The following RFTN1 variants were observed in gnomAD, a reference collection of about 807,000 sequenced individuals.
RFTN1 encodes raftlin.
In RFTN1, 26 loss-of-function variants were observed where a neutral mutation model predicts 46.5. That is an observed-to-expected ratio of 0.56 (90% CI 0.41 to 0.78). The LOEUF (loss-of-function observed/expected upper bound fraction) is 0.78, where lower values mean the gene tolerates loss of function less well. Ranked by LOEUF, RFTN1 falls within the 30% of genes least tolerant of loss-of-function variation. RFTN1 has a pLI of 0.00. For missense variants in RFTN1, 693 were observed against 718.7 expected, an observed-to-expected ratio of 0.96 and a Z score of 0.41; for synonymous variants, 261 against 284.2, an observed-to-expected ratio of 0.92 and a Z score of 0.82.
rs541992213 is a variant in RFTN1 at position 16,383,202 on chromosome 3, C to G, written c.442-5100G>C. On this transcript the variant is annotated intron_variant, in intron 4 of 9. Coordinates refer to ENST00000334133, the MANE Select transcript of RFTN1 (RefSeq NM_015150.2). The surrounding 1 kb of genome is among the most constrained non-coding windows in gnomAD (Gnocchi z 4.0). ...TGCCTCTTCAACGATACCACTCTTT[C>G]CACTTCAGATAATCTGACCTGTGCC... Among the ~76,000 whole-genome samples the G allele has an allele frequency of 1.3e-5, 2 of 152,314 alleles. No homozygotes were observed. Among genetic ancestry groups the G allele is most frequent in the South Asian group, 4.1e-4 (2 of 4,828 alleles).
chr3:16,469,719 G>A (rs144107455), intron 2 of RFTN1, among the ~76,000 whole-genome samples: 240 of 152,366 alleles, frequency 1.6e-3, no homozygotes, highest in Middle Eastern at 3.4e-3. Flanking sequence ...CTTGGGCCCA[G>A]AGGATGCTTG....
Position 16,413,894 on chromosome 3 carries a change from T to A in RFTN1, c.333-4411A>T, listed in dbSNP as rs533892862. Among the ~76,000 whole-genome samples the A allele has an allele frequency of 1.3e-5, 2 of 152,330 alleles. No homozygotes were observed. The highest frequency in any genetic ancestry group is 3.9e-4 in the East Asian group (2 of 5,182). On this transcript the variant is annotated intron_variant, in intron 3 of 9. Coordinates refer to ENST00000334133, the MANE Select transcript of RFTN1 (RefSeq NM_015150.2). The surrounding 1 kb of genome is among the most constrained non-coding windows in gnomAD (Gnocchi z 4.7). ...AGCCTTTGGGCAATTTACTTAAACT[T>A]TCTGTGCTTCAGTTTCTTTCACTAA... is the stretch of plus-strand genomic sequence containing the variant.
chr3:16,506,027 T>C lies in RFTN1; in HGVS notation c.-9+7415A>G, dbSNP rs187451370. On this transcript the variant is annotated intron_variant, in intron 1 of 9. Transcript: ENST00000334133. This position sits in a 1 kb window ranked among gnomAD's most constrained non-coding sequence, Gnocchi z 4.8. ...CCTTCAGAAGCCGAGAAACAGGCAA[T>C]AGACAAACAAATAAAAATAATACAC... 3.9e-4 allele frequency among the ~76,000 whole-genome samples: 60 copies of C among 152,146 alleles called. No homozygotes were observed. Among genetic ancestry groups the C allele is most frequent in the African/African-American group, 1.4e-3 (57 of 41,478 alleles).
rs1025255623 is a variant in RFTN1, at chr3:16,475,732, G to A, written c.145+17993C>T. 1.3e-5 allele frequency among the ~76,000 whole-genome samples: 2 copies of A among 152,190 alleles called. No individual in the cohort carries two copies. The highest frequency in any genetic ancestry group is 2.9e-5 in the Non-Finnish European group (2 of 68,038). On this transcript the variant is annotated intron_variant, in intron 2 of 9. Coordinates refer to ENST00000334133, the MANE Select transcript of RFTN1 (RefSeq NM_015150.2). This position sits in a 1 kb window ranked among gnomAD's most constrained non-coding sequence, Gnocchi z 4.2. ...ATTGAGATCCCTAGGTTATTCCACC[G>A]GGTAATAAATAAACCTCTGCCACAG...
intron 2 of RFTN1, among the ~76,000 whole-genome samples, chr3:16,492,727 T>G (rs1476290519): frequency 6.6e-6 from 1 of 152,260 alleles, no homozygotes; most frequent in Non-Finnish European, 1.5e-5. Flanking sequence ...TGTCTTATAC[T>G]GTTTTCCAAC....
intron 4 of RFTN1, among the ~76,000 whole-genome samples, chr3:16,397,246 C>T (rs572096799): frequency 6.6e-6 from 1 of 151,938 alleles, no homozygotes; most frequent in East Asian, 1.9e-4. Flanking sequence ...ATAAGGCAGA[C>T]ACGAAATGAA....
rs1290243945 is a variant in RFTN1 at position 16,502,396 on chromosome 3, A to G, written c.-8-8519T>C. Among the ~76,000 whole-genome samples the G allele has an allele frequency of 3.3e-5, 5 of 151,942 alleles. 1 individual carries two copies. In the Middle Eastern group the frequency reaches 0.01, roughly 310 times the overall value. On this transcript the variant is annotated intron_variant, in intron 1 of 9. Coordinates refer to ENST00000334133, the MANE Select transcript of RFTN1 (RefSeq NM_015150.2). Reference sequence around the variant, plus strand: ...GAGACCTTGTCTCAAAAAAAAAAAAAAAAGAAAGAAAGAAAAGAAAAGAAA... The same window carrying G: ...GAGACCTTGTCTCAAAAAAAAAAAAGAAAGAAAGAAAGAAAAGAAAAGAAA...
chr3:16,437,645 G>A lies in RFTN1; in HGVS notation c.146-3608C>T, dbSNP rs73144392. The stretch of plus-strand genomic sequence containing the variant: ...CACTGCACTCCAGCCTGGGGTGACA[G>A]AGTTACTAAATAAATAAATAAATAA... On this transcript the variant is annotated intron_variant, in intron 2 of 9. Transcript: ENST00000334133. Among the ~76,000 whole-genome samples the A allele has an allele frequency of 1.0e-2, 1,518 of 152,094 alleles. 24 individuals are homozygous for A. Among genetic ancestry groups the A allele is most frequent in the African/African-American group, 0.034 (1,411 of 41,476 alleles).
chr3:16,338,318 T>C lies in RFTN1; in HGVS notation c.1147-11442A>G, dbSNP rs2071055088. Reference sequence around the variant, plus strand: ...GCAAGGCTCCTGATCACAGGGAAGGTAATGAGGCCGGACATGCGGCGGCTA... The same window carrying C: ...GCAAGGCTCCTGATCACAGGGAAGGCAATGAGGCCGGACATGCGGCGGCTA... On this transcript the variant is annotated intron_variant, in intron 7 of 9. Coordinates refer to ENST00000334133, the MANE Select transcript of RFTN1 (RefSeq NM_015150.2). The surrounding 1 kb of genome is among the most constrained non-coding windows in gnomAD (Gnocchi z 5.3). Among the ~76,000 whole-genome samples, 1 of 152,104 alleles carries C rather than the reference T, an allele frequency of 6.6e-6. No homozygotes were observed.
At chr3:16,464,557 TC>T (rs993167157) in intron 2 of RFTN1, among the ~76,000 whole-genome samples, 2 of 152,032 alleles carry the variant, frequency 1.3e-5, no homozygotes, top group Non-Finnish European at 2.9e-5. Context: ...CATAATTAGT[TC>T]CCCCCCATAT....
At position 16,489,217 on chromosome 3, in the gene RFTN1, AG is replaced by A. The variant is rs1163743053; in HGVS notation, c.145+4507del. 6.6e-6 allele frequency among the ~76,000 whole-genome samples: 1 copy of A among 152,226 alleles called. No individual in the cohort carries two copies. Among genetic ancestry groups the A allele is most frequent in the African/African-American group, 2.4e-5 (1 of 41,462 alleles). On this transcript the variant is annotated intron_variant, in intron 2 of 9. Transcript: ENST00000334133. The surrounding 1 kb of genome is among the most constrained non-coding windows in gnomAD (Gnocchi z 4.0). ...CAGATCACCTGAGATCAGGAGTTCG[AG>A]ACCAGCCTGGCCAACATGGCAAAAG...
rs2070758719 is a variant in RFTN1, at chr3:16,335,535, C to G, written c.1147-8659G>C. ...AACAGAAAATCAAACACCACATGTT[C>G]TCACTTACAAGTGGGAGAGCTGAAC... On this transcript the variant is annotated intron_variant, in intron 7 of 9. Coordinates refer to ENST00000334133, the MANE Select transcript of RFTN1 (RefSeq NM_015150.2). The surrounding 1 kb of genome is among the most constrained non-coding windows in gnomAD (Gnocchi z 4.7). Among the ~76,000 whole-genome samples the G allele has an allele frequency of 6.6e-6, 1 of 152,190 alleles. No homozygotes were observed. Among genetic ancestry groups the G allele is most frequent in the African/African-American group, 2.4e-5 (1 of 41,444 alleles).
At chr3:16,472,848 A>C (rs73146234) in intron 2 of RFTN1, among the ~76,000 whole-genome samples, 6,005 of 152,244 alleles carry the variant, frequency 0.039, 230 homozygotes, top group East Asian at 0.12. Context: ...AAGCTGAGGC[A>C]AGGGGCCAGT....
rs1276440157 is a variant in RFTN1 at position 16,509,493 on chromosome 3, T to C, written c.-9+3949A>G. The stretch of plus-strand genomic sequence containing the variant: ...TCTCATGAGGATTAAATTCAGATAA[T>C]GCGTGCAAAATGTACAACAGTGCCT... On this transcript the variant is annotated intron_variant, in intron 1 of 9. Coordinates refer to ENST00000334133, the MANE Select transcript of RFTN1 (RefSeq NM_015150.2). This position sits in a 1 kb window ranked among gnomAD's most constrained non-coding sequence, Gnocchi z 4.9. Among the ~76,000 whole-genome samples, 2 of 152,212 alleles carry C rather than the reference T, an allele frequency of 1.3e-5. No homozygotes were observed. The highest frequency in any genetic ancestry group is 4.8e-5 in the African/African-American group (2 of 41,460).
rs371113908 is a variant in RFTN1 at position 16,353,713 on chromosome 3, G to A, written c.1146+4219C>T. Among the ~76,000 whole-genome samples the A allele has an allele frequency of 6.6e-6, 1 of 152,284 alleles. No homozygotes were observed. The highest frequency in any genetic ancestry group is 2.4e-5 in the African/African-American group (1 of 41,560). On this transcript the variant is annotated intron_variant, in intron 7 of 9. Coordinates refer to ENST00000334133, the MANE Select transcript of RFTN1 (RefSeq NM_015150.2). The surrounding 1 kb of genome is among the most constrained non-coding windows in gnomAD (Gnocchi z 5.4). ...ATGGGACCCTGATTGAACAGGATTA[G>A]TGTCCTTATAAGAAGAGACACCAGA...
chr3:16,371,133 T>C (rs2125363005), intron 5 of RFTN1, among the ~76,000 whole-genome samples: 1 of 152,358 alleles, frequency 6.6e-6, no homozygotes, highest in South Asian at 2.1e-4. Context: ...AAGTCTTGCT[T>C]ACACAGGCTA....
chr3:16,450,271 G>A lies in RFTN1; in HGVS notation c.146-16234C>T, dbSNP rs2075801518. Among the ~76,000 whole-genome samples the A allele has an allele frequency of 6.6e-6, 1 of 152,180 alleles. No homozygotes were observed. The highest frequency in any genetic ancestry group is 1.5e-5 in the Non-Finnish European group (1 of 68,032). On this transcript the variant is annotated intron_variant, in intron 2 of 9. Coordinates refer to ENST00000334133, the MANE Select transcript of RFTN1 (RefSeq NM_015150.2). This position sits in a 1 kb window ranked among gnomAD's most constrained non-coding sequence, Gnocchi z 4.6. The stretch of plus-strand genomic sequence containing the variant: ...CCACCTCAGGCCTGCCTTGCTTGCA[G>A]CTCTGTCTGGGAGCATTTCAGGCAA...
At position 16,402,433 on chromosome 3, in the gene RFTN1, C is replaced by T. The variant is rs2074628634; in HGVS notation, c.441+6942G>A. Among the ~76,000 whole-genome samples, 1 of 152,156 alleles carries T rather than the reference C, an allele frequency of 6.6e-6. No homozygotes were observed. Among genetic ancestry groups the T allele is most frequent in the Admixed American group, 6.5e-5 (1 of 15,272 alleles). On this transcript the variant is annotated intron_variant, in intron 4 of 9. Coordinates refer to ENST00000334133, the MANE Select transcript of RFTN1 (RefSeq NM_015150.2). The surrounding 1 kb of genome is among the most constrained non-coding windows in gnomAD (Gnocchi z 4.5). Reference sequence around the variant, plus strand: ...CCTTTACTTCCCCTCAACAACCCCCCTCCCCAGGTTCATCTTTTTTAAATG... The same window carrying T: ...CCTTTACTTCCCCTCAACAACCCCCTTCCCCAGGTTCATCTTTTTTAAATG...
Position 16,424,493 on chromosome 3 carries a change from A to T in RFTN1, c.332+9358T>A, listed in dbSNP as rs1230751678. 6.6e-6 allele frequency among the ~76,000 whole-genome samples: 1 copy of T among 152,232 alleles called. No homozygotes were observed. ...GAGAATTAATTATAATACCGAAAAC[A>T]TACAGGAACAAAGCAAAGTGCTCTC... On this transcript the variant is annotated intron_variant, in intron 3 of 9. Coordinates refer to ENST00000334133, the MANE Select transcript of RFTN1 (RefSeq NM_015150.2). This position sits in a 1 kb window ranked among gnomAD's most constrained non-coding sequence, Gnocchi z 4.7.
Sources: allele counts gnomAD v4.1 joint callset (sites outside exome capture counted in the v4.1 genomes callset), GRCh38; gene constraint gnomAD v4.1.1; non-coding constraint Gnocchi (gnomAD v3.1); transcripts MANE v1.5; gene names NCBI Gene and HGNC (gene_info 2026-07-23, HGNC 2026-07-21).